The following NADK2 variants were observed in gnomAD, a reference collection of about 807,000 sequenced individuals.
NADK2 encodes the protein NAD kinase domain-containing protein 1, mitochondrial.
NADK2 carries 35 observed loss-of-function variants against 62.1 expected under a neutral mutation model. That is an observed-to-expected ratio of 0.56 (90% CI 0.43 to 0.75). The LOEUF is 0.75. NADK2 is among the 30% of genes least tolerant of loss of function. The pLI is 0.00. For missense variants in NADK2, 439 were observed against 561.3 expected (o/e 0.78, Z 2.20); for synonymous variants, 205 against 207.9 (o/e 0.99, Z 0.12).
intron 7 of NADK2, among the ~76,000 whole-genome samples, chr5:36,210,340 T>C (rs1441878243): frequency 6.6e-6 from 1 of 152,198 alleles, no homozygotes; most frequent in Non-Finnish European, 1.5e-5. Flanking sequence ...GCCTAAGTTA[T>C]ATTCAAGTCC....
rs1428742511 is a variant in NADK2 at position 36,194,572 on chromosome 5, T to A, written c.*572A>T. On this transcript the variant is annotated 3_prime_UTR_variant, in exon 12 of 12. Coordinates refer to ENST00000381937, the MANE Select transcript of NADK2 (RefSeq NM_001085411.3). The stretch of plus-strand genomic sequence containing the variant: ...TAATTTCAAAAATTATTATTTGAAA[T>A]TTTTAAATCAATAGTCATAACATCA... 1 of 152,226 alleles carries A rather than the reference T, an allele frequency of 6.6e-6. No homozygotes were observed. The highest frequency in any genetic ancestry group is 1.5e-5 in the Non-Finnish European group (1 of 68,034). 9.4% of individuals were successfully genotyped at this position (152,226 alleles called of 1,614,324 possible).
In NADK2 at chr5:36,219,690, A is replaced by C; in HGVS notation, c.561-11T>G. On this transcript the variant is annotated splice_polypyrimidine_tract_variant and intron_variant, in intron 4 of 11. Transcript: ENST00000381937. ...AAATGACCCTCAGACCTATATTTTAACAGGAATTTTTTGGTGATATAAAGA... is the reference window on the plus strand; with the variant it reads ...AAATGACCCTCAGACCTATATTTTACCAGGAATTTTTTGGTGATATAAAGA... 6.2e-7 allele frequency: 1 copy of C among 1,609,206 alleles called. No homozygotes were observed. Among genetic ancestry groups the C allele is most frequent in the Non-Finnish European group, 8.5e-7 (1 of 1,177,738 alleles).
intron 11 of NADK2, among the ~76,000 whole-genome samples, chr5:36,196,842 G>A (rs141695200): frequency 1.6e-4 from 24 of 151,792 alleles, no homozygotes; most frequent in African/African-American, 5.6e-4. Flanking sequence ...TGAATGTTAA[G>A]ATAAATTTCC....
chr5:36,241,944 C>G (rs982403147), upstream of NADK2: 1 of 642,684 alleles, frequency 1.6e-6, no homozygotes, highest in Non-Finnish European at 2.0e-6. This position sits in a 1 kb window ranked among gnomAD's most constrained non-coding sequence, Gnocchi z 4.9. Context: ...GCGTGGCCCA[C>G]GCGGCTAGGG....
intron 1 of NADK2, among the ~76,000 whole-genome samples, chr5:36,230,279 A>C: frequency 6.6e-6 from 1 of 152,056 alleles, no homozygotes; most frequent in African/African-American, 2.4e-5. Context: ...CTTCCTTTGT[A>C]CTTGCTGGAA....
chr5:36,199,708 T>C lies in NADK2; in HGVS notation c.1066+519A>G, dbSNP rs571355570. 7.2e-5 allele frequency among the ~76,000 whole-genome samples: 11 copies of C among 152,176 alleles called. No homozygotes were observed. The South Asian group carries it at 2.3e-3, about 32-fold the overall frequency. The stretch of plus-strand genomic sequence containing the variant: ...GTAGAGGATCACAGCCTTGCCCAAG[T>C]TTCACAGCTGATGTAGTAGATCTGG... On this transcript the variant is annotated intron_variant, in intron 10 of 11. Coordinates refer to ENST00000381937, the MANE Select transcript of NADK2 (RefSeq NM_001085411.3).
At chr5:36,218,627 G>T (rs1747138040) in intron 5 of NADK2, among the ~76,000 whole-genome samples, 1 of 152,162 alleles carries the variant, frequency 6.6e-6, no homozygotes, top group Non-Finnish European at 1.5e-5. Context: ...TGTGGGAAAA[G>T]CTTTCCCCAA....
intron 7 of NADK2, among the ~76,000 whole-genome samples, chr5:36,208,257 AT>A (rs1444319193): frequency 6.6e-6 from 1 of 152,060 alleles, no homozygotes; most frequent in Non-Finnish European, 1.5e-5. Context: ...TATAGTCAGA[AT>A]TTCTTATTAA....
intron 4 of NADK2, among the ~76,000 whole-genome samples, chr5:36,222,977 C>T (rs1747332486): frequency 6.6e-6 from 1 of 152,006 alleles, no homozygotes; most frequent in Non-Finnish European, 1.5e-5. Flanking sequence ...GCCAGTGTGG[C>T]TAGAATAGAA....
At chr5:36,231,462 T>G (rs376081389) in intron 1 of NADK2, among the ~76,000 whole-genome samples, 1 of 152,214 alleles carries the variant, frequency 6.6e-6, no homozygotes, top group African/African-American at 2.4e-5. Flanking sequence ...ATTTAGAGAA[T>G]GTAAGTTCTT....
chr5:36,225,812 G>A (rs1394811527), intron 3 of NADK2, among the ~76,000 whole-genome samples, 189 bp from the exon 4 acceptor site: 2 of 152,178 alleles, frequency 1.3e-5, no homozygotes, highest in Non-Finnish European at 2.9e-5. Flanking sequence ...GATTTCATAA[G>A]TGGCAAGATT....
At chr5:36,217,351 A>C (rs1282443854) in intron 6 of NADK2, among the ~76,000 whole-genome samples, 1 of 152,156 alleles carries the variant, frequency 6.6e-6, no homozygotes, top group Non-Finnish European at 1.5e-5. Flanking sequence ...CTGGAATGCA[A>C]AATTTCCCAA....
At position 36,214,638 on chromosome 5, in the gene NADK2, G is replaced by C. The variant is rs544824321; in HGVS notation, c.782-2716C>G. ...TTTCCAGGTCTACTTGCACTAGGTG[G>C]AGCCATGTGACTAGTAATGGCCAAC... On this transcript the variant is annotated intron_variant, in intron 6 of 11. Transcript: ENST00000381937. Among the ~76,000 whole-genome samples, 3 of 152,216 alleles carry C rather than the reference G, an allele frequency of 2.0e-5. No homozygotes were observed. In the East Asian group the frequency reaches 5.8e-4, roughly 29 times the overall value.
chr5:36,217,051 A>T (rs941182614), intron 6 of NADK2, among the ~76,000 whole-genome samples: 8 of 152,168 alleles, frequency 5.3e-5, no homozygotes, highest in Non-Finnish European at 8.8e-5. Flanking sequence ...ATCAGGTACC[A>T]TGAGAGAGCA....
intron 9 of NADK2, among the ~76,000 whole-genome samples, 183 bp from the exon 10 acceptor site, chr5:36,200,463 T>C (rs1041173713): frequency 6.6e-6 from 1 of 151,920 alleles, no homozygotes; most frequent in Non-Finnish European, 1.5e-5. Context: ...TTATCATAAA[T>C]AAACAGTAGC....
rs1303592678 is a variant in NADK2 at position 36,200,296 on chromosome 5, A to AG, written c.1013-17dup. 1.3e-6 allele frequency: 2 copies of AG among 1,568,638 alleles called. No individual in the cohort carries two copies. The highest frequency in any genetic ancestry group is 1.7e-6 in the Non-Finnish European group (2 of 1,154,050). On this transcript the variant is annotated splice_polypyrimidine_tract_variant and intron_variant, in intron 9 of 11. Coordinates refer to ENST00000381937, the MANE Select transcript of NADK2 (RefSeq NM_001085411.3). Reference sequence around the variant, plus strand: ...TGTCGTTTTGCTGTTGAAAAAGGAAAGGGGGAAAATGTATGTTATAAATAT... The same window carrying AG: ...TGTCGTTTTGCTGTTGAAAAAGGAAAGGGGGGAAAATGTATGTTATAAATAT...
intron 5 of NADK2, among the ~76,000 whole-genome samples, chr5:36,219,236 A>C (rs1021893702): frequency 8.5e-5 from 13 of 152,194 alleles, no homozygotes; most frequent in Non-Finnish European, 1.3e-4. Context: ...TTTGAGACAC[A>C]GTCTCACTCT....
At chr5:36,225,500 C>T (rs979778684) in intron 4 of NADK2, 42 bp downstream of exon 4, 1 of 1,535,174 alleles carries the variant, frequency 6.5e-7, no homozygotes, top group Non-Finnish European at 8.9e-7. Context: ...ACTTAAAAAG[C>T]ACACCACACA....
At chr5:36,219,337 A>G (rs974663399) in intron 5 of NADK2, among the ~76,000 whole-genome samples, 1 of 152,132 alleles carries the variant, frequency 6.6e-6, no homozygotes, top group African/African-American at 2.4e-5. Flanking sequence ...CAGCCCCGCA[A>G]GTAGCTGGGA....
Sources: allele counts gnomAD v4.1 joint callset (sites outside exome capture counted in the v4.1 genomes callset), GRCh38; gene constraint gnomAD v4.1.1; non-coding constraint Gnocchi (gnomAD v3.1); transcripts MANE v1.5; gene names NCBI Gene and HGNC (gene_info 2026-07-23, HGNC 2026-07-21).